VCPIP1: variants seen among roughly 807,000 people sequenced by gnomAD.
VCPIP1 encodes the protein valosin containing protein interacting protein 1.
VCPIP1 carries 8 observed loss-of-function variants against 85.0 expected under a neutral mutation model. The observed-to-expected ratio is 0.09, with a 90% CI of 0.06 to 0.17. The LOEUF (loss-of-function observed/expected upper bound fraction) is 0.17, where lower values mean the gene tolerates loss of function less well. Ranked by LOEUF, VCPIP1 falls within the 10% of genes least tolerant of loss-of-function variation. The pLI is 1.00. For missense variants in VCPIP1, 1,070 were observed against 1,486.3 expected (o/e 0.72, Z 4.61); for synonymous variants, 543 against 544.5 (o/e 1.00, Z 0.04).
Position 66,667,132 on chromosome 8 carries a change from T to A in VCPIP1, c.-174A>T. On this transcript the variant is annotated 5_prime_UTR_variant, in exon 1 of 3. Coordinates refer to ENST00000310421, the MANE Select transcript of VCPIP1 (RefSeq NM_025054.5). ...CGGAAGCGCCGGACGTTGTTTCTCT[T>A]CTTACTTCTCCACTGCCGTAGCCGT... The A allele has an allele frequency of 1.5e-6, 2 of 1,360,026 alleles. No individual in the cohort carries two copies. The highest frequency in any genetic ancestry group is 1.9e-6 in the Non-Finnish European group (2 of 1,044,608). 84.2% of individuals were successfully genotyped at this position (1,360,026 alleles called of 1,614,324 possible). A position where few individuals can be genotyped will look rare whatever the true frequency, so the allele number is the denominator to read the frequency against.
In VCPIP1 at chr8:66,649,313, C is replaced by T. The variant is rs537550778; in HGVS notation, c.2797+2145G>A. 6.8e-4 allele frequency among the ~76,000 whole-genome samples: 103 copies of T among 152,094 alleles called. No homozygotes were observed. The Middle Eastern group carries it at 0.01, about 15-fold the overall frequency. ...ATTGCTCGAGCTCAAGAGTTCAAGA[C>T]CAGCCTGGGCAACATGGCGAAACCC... On this transcript the variant is annotated intron_variant, in intron 2 of 2. Transcript: ENST00000310421.
chr8:66,653,140 CA>C (rs1811069462), intron 1 of VCPIP1, among the ~76,000 whole-genome samples: 1 of 152,120 alleles, frequency 6.6e-6, no homozygotes, highest in Non-Finnish European at 1.5e-5. Context: ...TTCAGTTAAT[CA>C]AAACATTTAC....
intron 1 of VCPIP1, among the ~76,000 whole-genome samples, chr8:66,657,124 C>T (rs181455391): frequency 1.3e-5 from 2 of 152,180 alleles, no homozygotes; most frequent in Admixed American, 1.3e-4. Flanking sequence ...AGGCTAGTCT[C>T]AAACTCCTGA....
chr8:66,637,912 C>A (rs1810905095), intron 2 of VCPIP1, among the ~76,000 whole-genome samples: 1 of 152,188 alleles, frequency 6.6e-6, no homozygotes, highest in Non-Finnish European at 1.5e-5. Flanking sequence ...GTGGAACTTG[C>A]AGTGAGCCAA....
At chr8:66,647,593 T>C (rs1046741857) in intron 2 of VCPIP1, among the ~76,000 whole-genome samples, 3 of 152,078 alleles carry the variant, frequency 2.0e-5, no homozygotes, top group Admixed American at 1.3e-4. Context: ...ACCACACATA[T>C]AGTCAGTTGA....
rs759412005 is a variant in VCPIP1, at chr8:66,634,655, G to A, written c.3515C>T (p.Thr1172Ile). The change falls in exon 3 of 3, where the codon ACA becomes ATA. Residue 1172 changes from threonine to isoleucine, a missense_variant. By Grantham distance (89) the Thr-to-Ile change is moderately conservative. This residue lies in a region of VCPIP1 where 255 missense variants were observed against 289.5 expected (regional missense o/e 0.88). Transcript: ENST00000310421. ...PLTGGTENLNTETTDGCVADA... is the reference protein window; with the variant it reads ...PLTGGTENLNIETTDGCVADA... ...TGCTACACAGCCATCAGTTGTTTCT[G>A]TATTCAAATTTTCAGTACCACCAGT... is the stretch of plus-strand genomic sequence containing the variant. 2 of 1,614,180 alleles carry A rather than the reference G, an allele frequency of 1.2e-6. No individual in the cohort carries two copies. The highest frequency in any genetic ancestry group is 2.2e-5 in the South Asian group (2 of 91,078).
intron 2 of VCPIP1, among the ~76,000 whole-genome samples, chr8:66,638,970 C>CTCTCTCTCTCTCTCTA: frequency 1.7e-5 from 2 of 118,434 alleles, no homozygotes; most frequent in African/African-American, 3.9e-5. Flanking sequence ...CTCTCTCTCT[C>CTCTCTCTCTCTCTCTA]TATATATATA....
intron 1 of VCPIP1, among the ~76,000 whole-genome samples, chr8:66,656,178 C>T (rs867002324): frequency 1.3e-5 from 2 of 152,024 alleles, no homozygotes; most frequent in Admixed American, 6.6e-5. Flanking sequence ...GGTCACCATT[C>T]TAATTTTTAA....
At chr8:66,652,858 T>C (rs2130169600) in intron 1 of VCPIP1, among the ~76,000 whole-genome samples, 1 of 152,340 alleles carries the variant, frequency 6.6e-6, no homozygotes, top group East Asian at 1.9e-4. Context: ...TGCTAATGTA[T>C]ACATACTACT....
At chr8:66,655,682 CA>C (rs1363964528) in intron 1 of VCPIP1, among the ~76,000 whole-genome samples, 6 of 151,234 alleles carry the variant, frequency 4.0e-5, no homozygotes, top group Admixed American at 4.0e-4. Context: ...TCTAATAAAA[CA>C]AAATAATAGC....
At chr8:66,660,391 C>T (rs1355135227) in intron 1 of VCPIP1, among the ~76,000 whole-genome samples, 1 of 152,090 alleles carries the variant, frequency 6.6e-6, no homozygotes, top group Non-Finnish European at 1.5e-5. Context: ...TGATAGATGC[C>T]GTGAGGGACA....
intron 1 of VCPIP1, among the ~76,000 whole-genome samples, chr8:66,661,448 AT>A (rs1283981988): frequency 6.6e-6 from 1 of 152,108 alleles, no homozygotes; most frequent in Non-Finnish European, 1.5e-5. Flanking sequence ...TATGAAATAT[AT>A]TATCAACCAG....
intron 2 of VCPIP1, 74 bp from the exon 3 acceptor site, chr8:66,635,446 G>C (rs1810875187): frequency 7.4e-7 from 1 of 1,348,884 alleles, no homozygotes. Context: ...GACAATTATA[G>C]TTAAAATAAT....
chr8:66,644,165 G>C (rs1250697608), intron 2 of VCPIP1, among the ~76,000 whole-genome samples: 1 of 152,108 alleles, frequency 6.6e-6, no homozygotes, highest in Non-Finnish European at 1.5e-5. Flanking sequence ...TGGTTTCACT[G>C]GTGAATTCTA....
rs2956804 is a variant in VCPIP1, at chr8:66,663,113, A to G, written c.2710+1136T>C. Among the ~76,000 whole-genome samples, 1,290 of 138,974 alleles carry G rather than the reference A, an allele frequency of 9.3e-3. 9 individuals carry two copies. Among genetic ancestry groups the G allele is most frequent in the Middle Eastern group, 0.022 (6 of 270 alleles). 91.2% of individuals were successfully genotyped at this position (138,974 alleles called of 152,430 possible). ...AGCAAGACTCCATCTCAAAAAAAAA[A>G]GAAAAAAAAAAAAGAAATATATAAA... On this transcript the variant is annotated intron_variant, in intron 1 of 2. Transcript: ENST00000310421.
In VCPIP1 at chr8:66,634,627, A is replaced by G; in HGVS notation, c.3543T>C (p.Asp1181=). The change falls in exon 3 of 3, where the codon GAT becomes GAC. Residue 1181 remains aspartate (D), a synonymous_variant. Transcript: ENST00000310421. ...TTGTGGCAAAGGCTGCTCCCAGTGC[A>G]TCTGCTACACAGCCATCAGTTGTTT... is the stretch of plus-strand genomic sequence containing the variant. The part of the protein sequence containing the change: ...NTETTDGCVA[D]ALGAAFATRS... The G allele has an allele frequency of 6.2e-7, 1 of 1,614,238 alleles. No homozygotes were observed. The highest frequency in any genetic ancestry group is 8.5e-7 in the Non-Finnish European group (1 of 1,180,046).
chr8:66,655,162 T>C (rs1811087736), intron 1 of VCPIP1, among the ~76,000 whole-genome samples: 1 of 152,220 alleles, frequency 6.6e-6, no homozygotes, highest in East Asian at 1.9e-4. Flanking sequence ...CTGTTTTACC[T>C]TCTAGACTAG....
chr8:66,660,781 T>C (rs569783838), intron 1 of VCPIP1, among the ~76,000 whole-genome samples: 2 of 152,254 alleles, frequency 1.3e-5, no homozygotes, highest in South Asian at 4.1e-4. Context: ...CAGTGGCTCA[T>C]GCCTGTAATC....
At chr8:66,660,421 G>C (rs577473173) in intron 1 of VCPIP1, among the ~76,000 whole-genome samples, 2 of 152,334 alleles carry the variant, frequency 1.3e-5, no homozygotes, top group Admixed American at 1.3e-4. Flanking sequence ...TACACTGATA[G>C]AGGGAACCTA....
Sources: allele counts gnomAD v4.1 joint callset (sites outside exome capture counted in the v4.1 genomes callset), GRCh38; gene constraint gnomAD v4.1.1; regional missense constraint gnomAD v4.1.1; transcripts MANE v1.5; gene names NCBI Gene and HGNC (gene_info 2026-07-23, HGNC 2026-07-21).